HTR1D: variants seen among roughly 807,000 people sequenced by gnomAD.
HTR1D encodes 5-HT-1D.
HTR1D carries 18 observed loss-of-function variants against 21.1 expected under a neutral mutation model. That is an observed-to-expected ratio of 0.85 (90% CI 0.59 to 1.27). The LOEUF is 1.27. Ranked by LOEUF, HTR1D falls within the 50% of genes most tolerant of loss-of-function variation. The pLI is 0.00. For missense variants in HTR1D, 456 were observed against 481.4 expected, an observed-to-expected ratio of 0.95 and a Z score of 0.49; for synonymous variants, 196 against 204.4, an observed-to-expected ratio of 0.96 and a Z score of 0.35.
rs552859841 is a variant in HTR1D, at chr1:23,210,238, C to T, written c.-783+7053G>A. On this transcript the variant is annotated intron_variant, in intron 1 of 1. Coordinates refer to ENST00000374619, the MANE Select transcript of HTR1D (RefSeq NM_000864.5). ...GACTACAGGTATGTGCCACCATGCC[C>T]GGCTAATTTTTGTAGTTTTAATAGA... Among the ~76,000 whole-genome samples, 218 of 152,214 alleles carry T rather than the reference C, an allele frequency of 1.4e-3. 2 individuals are homozygous for T. Among genetic ancestry groups the T allele is most frequent in the Non-Finnish European group, 2.1e-3 (143 of 68,010 alleles).
intron 1 of HTR1D, among the ~76,000 whole-genome samples, chr1:23,211,638 T>C (rs1364258499): frequency 2.0e-5 from 3 of 151,796 alleles, no homozygotes; most frequent in African/African-American, 7.3e-5. Flanking sequence ...TGTATGTATG[T>C]ATGTATGTAT....
intron 1 of HTR1D, among the ~76,000 whole-genome samples, chr1:23,209,039 A>G (rs1261212124): frequency 2.9e-5 from 4 of 139,746 alleles, no homozygotes; most frequent in African/African-American, 1.1e-4. Flanking sequence ...TCTGTCACCC[A>G]GGCTGGAGTG....
At chr1:23,204,376 C>G (rs1007427798) in intron 1 of HTR1D, among the ~76,000 whole-genome samples, 1 of 152,214 alleles carries the variant, frequency 6.6e-6, no homozygotes, top group African/African-American at 2.4e-5. Context: ...CCACCCGCCT[C>G]GGCCTCCCAA....
chr1:23,201,792 G>A (rs1644710196), intron 1 of HTR1D, among the ~76,000 whole-genome samples: 1 of 151,856 alleles, frequency 6.6e-6, no homozygotes, highest in South Asian at 2.1e-4. Flanking sequence ...GGGCTCAAGT[G>A]ATCCTCCTGC....
chr1:23,197,327 C>T (rs1475520675), intron 1 of HTR1D, among the ~76,000 whole-genome samples: 1 of 152,146 alleles, frequency 6.6e-6, no homozygotes, highest in African/African-American at 2.4e-5. Context: ...GCTATCCTTC[C>T]CCATTGTGAA....
chr1:23,208,576 GA>G (rs200416458), intron 1 of HTR1D, among the ~76,000 whole-genome samples: 1,348 of 98,214 alleles, frequency 0.014, 16 homozygotes, highest in African/African-American at 0.043. Context: ...CATCTCAAAA[GA>G]AAAAAAAAAG....
intron 1 of HTR1D, among the ~76,000 whole-genome samples, chr1:23,208,155 C>T (rs1264852904): frequency 1.3e-5 from 2 of 152,214 alleles, no homozygotes; most frequent in East Asian, 3.9e-4. Flanking sequence ...TCTGGCCAGG[C>T]ACGGTGGCTC....
At chr1:23,215,885 G>A (rs1285991052) in intron 1 of HTR1D, among the ~76,000 whole-genome samples, 1 of 152,194 alleles carries the variant, frequency 6.6e-6, no homozygotes, top group Non-Finnish European at 1.5e-5. Flanking sequence ...CAAAGCCTTG[G>A]TCTGACAGCA....
chr1:23,213,092 C>T (rs1644760387), intron 1 of HTR1D, among the ~76,000 whole-genome samples: 3 of 152,098 alleles, frequency 2.0e-5, no homozygotes, highest in Non-Finnish European at 4.4e-5. Flanking sequence ...TCCCAAAGTG[C>T]TGGGATTACA....
rs758286527 is a variant in HTR1D at position 23,193,161 on chromosome 1, T to C, written c.1059A>G (p.Pro353=). The change falls in exon 2 of 2, where the codon CCA becomes CCG. Residue 353 remains proline (P), a synonymous_variant. Transcript: ENST00000374619. ...CTTCATTAAACACAGTGTAGATTAT[T>C]GGATTGATGAGGGAGTTTAAATAGC... is the stretch of plus-strand genomic sequence containing the variant. ...WLGYLNSLIN[P]IIYTVFNEEF... 5.2e-5 allele frequency: 84 copies of C among 1,612,952 alleles called. No homozygotes were observed. Among genetic ancestry groups the C allele is most frequent in the Non-Finnish European group, 6.8e-5 (80 of 1,179,704 alleles).
chr1:23,193,469 A>T lies in HTR1D; in HGVS notation c.751T>A (p.Ser251Thr). ...TAHLITGSAG[S>T]SLCSLNSSLH... Reference sequence around the variant, plus strand: ...CTGGAGTTGAGCGAGCAGAGCGAGGACCCGGCAGAGCCTGTGATGAGGTGG... The same window carrying T: ...CTGGAGTTGAGCGAGCAGAGCGAGGTCCCGGCAGAGCCTGTGATGAGGTGG... Residue 251 changes from serine to threonine, a missense_variant, in exon 2 of 2, where the codon TCC becomes ACC. Physicochemically the swap from Ser to Thr is moderately conservative, Grantham distance 58. Coordinates refer to ENST00000374619, the MANE Select transcript of HTR1D (RefSeq NM_000864.5). 1 of 1,614,090 alleles carries T rather than the reference A, an allele frequency of 6.2e-7. No homozygotes were observed.
rs1016956264 is a variant in HTR1D at position 23,194,827 on chromosome 1, G to A, written c.-608C>T. ...AGCACAGCAGCTCGCGGTTTTCCCA[G>A]GTTCATCTTGACGCATCCTGAGCTA... On this transcript the variant is annotated 5_prime_UTR_variant, in exon 2 of 2. Transcript: ENST00000374619. 72 of 153,352 alleles carry A rather than the reference G, an allele frequency of 4.7e-4. No individual in the cohort carries two copies. Among genetic ancestry groups the A allele is most frequent in the Admixed American group, 4.7e-3 (71 of 15,262 alleles). 9.5% of individuals were successfully genotyped at this position (153,352 alleles called of 1,614,324 possible).
rs1444837149 is a variant in HTR1D at position 23,194,118 on chromosome 1, G to C, written c.102C>G (p.Leu34=). The C allele has an allele frequency of 3.1e-6, 5 of 1,614,158 alleles. No individual in the cohort carries two copies. Among genetic ancestry groups the C allele is most frequent in the Non-Finnish European group, 4.2e-6 (5 of 1,180,020 alleles). ...CGGCAAGGGAGATCTTGAGCGCCTGGAGGGTCCTGGGATCCCAAGCCTCTG... is the reference window on the plus strand; with the variant it reads ...CGGCAAGGGAGATCTTGAGCGCCTGCAGGGTCCTGGGATCCCAAGCCTCTG... ...ETSEAWDPRT[L]QALKISLAVV... is the part of the protein sequence containing the mutation. Residue 34 remains leucine, a synonymous_variant, in exon 2 of 2, where the codon CTC becomes CTG. Transcript: ENST00000374619.
intron 1 of HTR1D, among the ~76,000 whole-genome samples, chr1:23,215,542 C>T (rs1644770351): frequency 6.6e-6 from 1 of 152,240 alleles, no homozygotes; most frequent in Non-Finnish European, 1.5e-5. Context: ...TGAAAGAGAC[C>T]TCTCAGGTCT....
chr1:23,208,997 C>CTT (rs202088436), intron 1 of HTR1D, among the ~76,000 whole-genome samples: 6,176 of 133,684 alleles, frequency 0.046, 238 homozygotes, highest in South Asian at 0.11. Context: ...AAAATTTTCA[C>CTT]TTTTTTTTTT....
intron 1 of HTR1D, among the ~76,000 whole-genome samples, chr1:23,214,247 C>T (rs1008640405): frequency 9.2e-5 from 14 of 151,954 alleles, no homozygotes; most frequent in African/African-American, 3.1e-4. Flanking sequence ...GGCAACATGG[C>T]GAAACCCCAT....
At chr1:23,199,091 T>C (rs1262385609) in intron 1 of HTR1D, among the ~76,000 whole-genome samples, 4 of 151,892 alleles carry the variant, frequency 2.6e-5, no homozygotes, top group Non-Finnish European at 5.9e-5. Flanking sequence ...CCTCCCAAAG[T>C]GCTGGGATTA....
Position 23,192,874 on chromosome 1 carries a change from G to A in HTR1D, c.*212C>T. ...AAGAAAGAAAATATTATGCTAAGTA[G>A]TGAAATCTTCAGTCCTGCCCCCCGC... is the stretch of plus-strand genomic sequence containing the variant. On this transcript the variant is annotated 3_prime_UTR_variant, in exon 2 of 2. Coordinates refer to ENST00000374619, the MANE Select transcript of HTR1D (RefSeq NM_000864.5). The A allele has an allele frequency of 3.1e-6, 1 of 318,022 alleles. No homozygotes were observed. 19.7% of individuals were successfully genotyped at this position (318,022 alleles called of 1,614,324 possible). A position where few individuals can be genotyped will look rare whatever the true frequency, so the allele number is the denominator to read the frequency against.
rs1644667842 is a variant in HTR1D at position 23,193,314 on chromosome 1, G to A, written c.906C>T (p.Ile302=). The change falls in exon 2 of 2, where the codon ATC becomes ATT. Residue 302 remains isoleucine, a synonymous_variant. Transcript: ENST00000374619. ...SAARERKATK[I]LGIILGAFII... Reference sequence around the variant, plus strand: ...TAAAGGCCCCCAGAATGATGCCCAGGATTTTAGTGGCTTTCCTTTCTCGAG... The same window carrying A: ...TAAAGGCCCCCAGAATGATGCCCAGAATTTTAGTGGCTTTCCTTTCTCGAG... 2 of 1,614,170 alleles carry A rather than the reference G, an allele frequency of 1.2e-6. No homozygotes were observed. Among genetic ancestry groups the A allele is most frequent in the Non-Finnish European group, 1.7e-6 (2 of 1,180,032 alleles).
Sources: allele counts gnomAD v4.1 joint callset (sites outside exome capture counted in the v4.1 genomes callset), GRCh38; gene constraint gnomAD v4.1.1; transcripts MANE v1.5; gene names NCBI Gene and HGNC (gene_info 2026-07-23, HGNC 2026-07-21).